The following CACHD1 variants were observed in gnomAD, a reference collection of about 807,000 sequenced individuals.
CACHD1 encodes the protein VWFA and cache domain-containing protein 1.
In CACHD1, 71 loss-of-function variants were observed where a neutral mutation model predicts 138.7. The observed-to-expected ratio is 0.51, with a 90% CI of 0.42 to 0.62. The LOEUF (loss-of-function observed/expected upper bound fraction) is 0.62, where lower values mean the gene tolerates loss of function less well. Ranked by LOEUF, CACHD1 falls within the 20% of genes least tolerant of loss-of-function variation. CACHD1 has a pLI of 0.00. For missense variants in CACHD1, 1,389 were observed against 1,625.3 expected (o/e 0.85, Z 2.50); for synonymous variants, 578 against 591.5 (o/e 0.98, Z 0.33).
At chr1:64,609,325 C>T (rs1570413635) in intron 4 of CACHD1, among the ~76,000 whole-genome samples, 1 of 152,082 alleles carries the variant, frequency 6.6e-6, no homozygotes, top group East Asian at 1.9e-4. Flanking sequence ...CTTTTTATGC[C>T]CAATTGCTTC....
At chr1:64,595,205 C>T (rs1372916916) in intron 3 of CACHD1, among the ~76,000 whole-genome samples, 1 of 152,092 alleles carries the variant, frequency 6.6e-6, no homozygotes, top group Non-Finnish European at 1.5e-5. Flanking sequence ...CTGCTGTGTA[C>T]TGAATACTCA....
At chr1:64,545,781 G>T (rs867960897) in intron 1 of CACHD1, among the ~76,000 whole-genome samples, 1 of 152,110 alleles carries the variant, frequency 6.6e-6, no homozygotes, top group Non-Finnish European at 1.5e-5. Context: ...AGAAGATACC[G>T]CCAGTTTTCC....
chr1:64,623,424 A>G (rs1395070859), intron 4 of CACHD1, among the ~76,000 whole-genome samples: 5 of 151,460 alleles, frequency 3.3e-5, no homozygotes, highest in Non-Finnish European at 7.4e-5. Context: ...TGGCATTAGA[A>G]GAAAATAAGA....
chr1:64,470,901 C>T lies in CACHD1; in HGVS notation c.157C>T (p.Arg53Trp), dbSNP rs1042373514. Residue 53 changes from arginine to tryptophan, a missense_variant, in exon 1 of 27, where the codon CGG becomes TGG. Coordinates refer to ENST00000651257, the MANE Select transcript of CACHD1 (RefSeq NM_020925.4). The surrounding 1 kb of genome is among the most constrained non-coding windows in gnomAD (Gnocchi z 5.2). ...DEAQVLASQM[R>W]RLAAEELGVV... ...GGCGCAAGTGCTGGCGAGCCAGATG[C>T]GGAGGCTGGCGGCCGAGGAGCTGGG... The T allele has an allele frequency of 6.2e-7, 1 of 1,608,280 alleles. No homozygotes were observed. The highest frequency in any genetic ancestry group is 1.3e-5 in the African/African-American group (1 of 74,940).
intron 8 of CACHD1, among the ~76,000 whole-genome samples, chr1:64,643,570 C>T (rs564464332): frequency 2.0e-5 from 3 of 152,328 alleles, no homozygotes; most frequent in Admixed American, 6.5e-5. Context: ...AGCTCGGTGG[C>T]TCATGCCTGT....
chr1:64,636,167 C>A (rs1648520593), intron 7 of CACHD1, among the ~76,000 whole-genome samples: 1 of 151,802 alleles, frequency 6.6e-6, no homozygotes, highest in South Asian at 2.1e-4. Context: ...ATTAATGTAT[C>A]CTATTGAGAT....
chr1:64,665,811 T>C (rs1385634410), intron 15 of CACHD1, among the ~76,000 whole-genome samples: 2 of 152,024 alleles, frequency 1.3e-5, no homozygotes, highest in African/African-American at 4.8e-5. Flanking sequence ...GGTCAGGAGA[T>C]CGAGACCACG....
At chr1:64,651,324 G>C (rs1176549791) in intron 9 of CACHD1, among the ~76,000 whole-genome samples, 1 of 151,986 alleles carries the variant, frequency 6.6e-6, no homozygotes, top group Admixed American at 6.6e-5. Context: ...TTGAAGTTCT[G>C]TATGTTCAGA....
At chr1:64,571,993 A>G (rs1256810889) in intron 2 of CACHD1, among the ~76,000 whole-genome samples, 1 of 152,170 alleles carries the variant, frequency 6.6e-6, no homozygotes, top group African/African-American at 2.4e-5. Flanking sequence ...TAAGTTATGC[A>G]CAGATATTTG....
chr1:64,627,371 C>T (rs1363451116), intron 4 of CACHD1, among the ~76,000 whole-genome samples: 1 of 152,166 alleles, frequency 6.6e-6, no homozygotes, highest in African/African-American at 2.4e-5. Flanking sequence ...TACACCACTG[C>T]ATTCCCACCT....
At chr1:64,493,131 G>A (rs305559) in intron 1 of CACHD1, among the ~76,000 whole-genome samples, 2 of 152,132 alleles carry the variant, frequency 1.3e-5, no homozygotes, top group Admixed American at 6.5e-5. Context: ...TCTAAAATCC[G>A]TTTGTGAACT....
At chr1:64,546,348 T>A (rs906444790) in intron 1 of CACHD1, among the ~76,000 whole-genome samples, 3 of 152,144 alleles carry the variant, frequency 2.0e-5, no homozygotes, top group African/African-American at 7.2e-5. Flanking sequence ...TACTTTTTTT[T>A]TTTTGAGACA....
intron 1 of CACHD1, among the ~76,000 whole-genome samples, chr1:64,495,691 CTTT>C (rs11302911): frequency 4.1e-5 from 6 of 147,896 alleles, no homozygotes; most frequent in African/African-American, 9.9e-5. Context: ...AAGAGAATTA[CTTT>C]TTTTTTTTTT....
chr1:64,508,279 G>A (rs1646392564), intron 1 of CACHD1, among the ~76,000 whole-genome samples: 2 of 152,230 alleles, frequency 1.3e-5, no homozygotes, highest in African/African-American at 2.4e-5. Context: ...ATTTGGGCAG[G>A]GACACAAATC....
At chr1:64,583,295 C>G (rs767415767) in intron 3 of CACHD1, among the ~76,000 whole-genome samples, 10 of 152,168 alleles carry the variant, frequency 6.6e-5, no homozygotes, top group Admixed American at 2.0e-4. Context: ...CTGTCTGTGG[C>G]CTGAAGAAAC....
chr1:64,596,648 T>G (rs1647154377), intron 3 of CACHD1, among the ~76,000 whole-genome samples: 1 of 152,178 alleles, frequency 6.6e-6, no homozygotes, highest in Non-Finnish European at 1.5e-5. Flanking sequence ...CAGAAGCCTC[T>G]CAGCATTTCT....
intron 1 of CACHD1, among the ~76,000 whole-genome samples, chr1:64,501,381 C>A (rs1352437067): frequency 6.6e-6 from 1 of 152,170 alleles, no homozygotes; most frequent in East Asian, 1.9e-4. Flanking sequence ...TGTATCATTT[C>A]TCTCGGGATA....
chr1:64,552,114 C>T (rs1267759678), intron 2 of CACHD1, among the ~76,000 whole-genome samples: 1 of 152,164 alleles, frequency 6.6e-6, no homozygotes, highest in African/African-American at 2.4e-5. Flanking sequence ...GTAACAGATA[C>T]AAGTTCTTAC....
chr1:64,579,099 A>C (rs1487667653), intron 2 of CACHD1, among the ~76,000 whole-genome samples: 2 of 152,224 alleles, frequency 1.3e-5, no homozygotes, highest in Non-Finnish European at 2.9e-5. Context: ...GCAGCTACTT[A>C]ATCTGCCATT....
Sources: gnomAD v4.1 joint callset for allele counts (sites outside exome capture counted in the v4.1 genomes callset) on GRCh38, gnomAD v4.1.1 for gene constraint, Gnocchi (gnomAD v3.1) non-coding constraint, MANE v1.5 for transcripts, NCBI Gene and HGNC (gene_info 2026-07-23, HGNC 2026-07-21) for gene names.